The following CACNA1C variants were observed in gnomAD, a reference collection of about 807,000 sequenced individuals.
CACNA1C encodes the protein calcium voltage-gated channel subunit alpha1 C.
Under a neutral mutation model 229.0 loss-of-function variants are expected in CACNA1C, and 30 were observed. The observed-to-expected ratio is 0.13, with a 90% CI of 0.10 to 0.18. CACNA1C has a LOEUF of 0.18. Ranked by LOEUF, CACNA1C falls within the 10% of genes least tolerant of loss-of-function variation. The pLI is 1.00. For missense variants in CACNA1C, 1,658 were observed against 2,845.0 expected, an observed-to-expected ratio of 0.58 and a Z score of 9.49; for synonymous variants, 1,114 against 1,132.5, an observed-to-expected ratio of 0.98 and a Z score of 0.33.
At position 2,053,935 on chromosome 12, in the gene CACNA1C, T is replaced by A. The variant is rs1050462207; in HGVS notation, c.49+324T>A. ...GCCGCCTCGCTTTCTCGCGTCCGCC[T>A]GGAGAGCCCGGCTGCCTGGCCAGCC... On this transcript the variant is annotated intron_variant, in intron 1 of 46. Transcript: ENST00000399655. This position sits in a 1 kb window ranked among gnomAD's most constrained non-coding sequence, Gnocchi z 5.8. 1.3e-5 allele frequency among the ~76,000 whole-genome samples: 2 copies of A among 149,936 alleles called. No homozygotes were observed. Among genetic ancestry groups the A allele is most frequent in the Admixed American group, 6.6e-5 (1 of 15,104 alleles).
intron 3 of CACNA1C, among the ~76,000 whole-genome samples, chr12:2,388,548 A>G (rs2098434356): frequency 6.6e-6 from 1 of 152,252 alleles, no homozygotes; most frequent in Non-Finnish European, 1.5e-5. Context: ...TGAGAGAGGT[A>G]GGGAGAGCTG....
At chr12:2,326,626 CTG>C (rs2096307443) in intron 3 of CACNA1C, among the ~76,000 whole-genome samples, 1 of 152,234 alleles carries the variant, frequency 6.6e-6, no homozygotes, top group Non-Finnish European at 1.5e-5. Flanking sequence ...TCTCGCCATG[CTG>C]TGTCTCCTAG....
intron 38 of CACNA1C, among the ~76,000 whole-genome samples, chr12:2,670,902 T>TAA (rs552962979): frequency 2.3e-5 from 3 of 133,256 alleles, no homozygotes; most frequent in Non-Finnish European, 3.3e-5. Flanking sequence ...GCTACTAAAT[T>TAA]AAAAAAAAAA....
chr12:2,011,465 T>A (rs1031485557), intron 1 of CACNA1C: 2 of 152,256 alleles, frequency 1.3e-5, no homozygotes, highest in Non-Finnish European at 2.9e-5. Flanking sequence ...ATGACCCGAA[T>A]GATTATCTGC....
intron 5 of CACNA1C, among the ~76,000 whole-genome samples, chr12:2,481,606 G>A (rs534019212): frequency 2.6e-5 from 4 of 152,284 alleles, no homozygotes; most frequent in South Asian, 2.1e-4. Flanking sequence ...CTTTCCACCC[G>A]CCAAGAGGCA....
chr12:2,238,714 C>A (rs571871132), intron 3 of CACNA1C, among the ~76,000 whole-genome samples: 280 of 152,258 alleles, frequency 1.8e-3, no homozygotes, highest in African/African-American at 5.9e-3. Flanking sequence ...GAAAGGTGTT[C>A]CCCATCTAGG....
intron 22 of CACNA1C, among the ~76,000 whole-genome samples, chr12:2,604,014 G>C (rs1167992905): frequency 6.6e-6 from 1 of 152,180 alleles, no homozygotes; most frequent in Admixed American, 6.5e-5. Context: ...TGCTCTCTGT[G>C]AAGCTTTCCC....
chr12:2,184,489 C>T lies in CACNA1C; in HGVS notation c.477+64059C>T, dbSNP rs117120186. On this transcript the variant is annotated intron_variant, in intron 3 of 46. Coordinates refer to ENST00000399655, the MANE Select transcript of CACNA1C (RefSeq NM_000719.7). ...GAATACGTTAGGGTACATGTTTCTT[C>T]GTCGTTCCTGGCAGGGCTGATCATA... Among the ~76,000 whole-genome samples the T allele has an allele frequency of 7.2e-3, 1,098 of 152,282 alleles. 20 individuals are homozygous for T. Among genetic ancestry groups the T allele is most frequent in the South Asian group, 0.058 (277 of 4,816 alleles).
At chr12:2,652,360 G>A (rs73247415) in intron 32 of CACNA1C, among the ~76,000 whole-genome samples, 10,118 of 152,288 alleles carry the variant, frequency 0.066, 458 homozygotes, top group Middle Eastern at 0.14. Flanking sequence ...TTAAAACAGA[G>A]TGACAATCAG....
At chr12:2,035,987 C>A (rs981833801) in intron 1 of CACNA1C, among the ~76,000 whole-genome samples, 1 of 152,088 alleles carries the variant, frequency 6.6e-6, no homozygotes, top group Admixed American at 6.5e-5. Flanking sequence ...GCTAATTTTG[C>A]GGTCTTGTGA....
intron 3 of CACNA1C, among the ~76,000 whole-genome samples, chr12:2,407,759 AGT>A (rs1249332108): frequency 2.0e-5 from 3 of 151,544 alleles, no homozygotes; most frequent in Admixed American, 1.3e-4. Flanking sequence ...CGTCCTGATA[AGT>A]GTGCAGTGGT....
intron 38 of CACNA1C, 183 bp from the exon 39 acceptor site, chr12:2,674,358 G>T: frequency 1.2e-6 from 1 of 819,880 alleles, no homozygotes. Context: ...GTGGACAGAG[G>T]AAGGGGAAGA....
At chr12:2,544,021 A>C (rs932460930) in intron 9 of CACNA1C, among the ~76,000 whole-genome samples, 1 of 152,110 alleles carries the variant, frequency 6.6e-6, no homozygotes, top group Non-Finnish European at 1.5e-5. Flanking sequence ...AAGAAAGACC[A>C]TTCATTATGA....
At chr12:1,994,022 T>C (rs1265880772) in intron 1 of CACNA1C, among the ~76,000 whole-genome samples, 2 of 152,248 alleles carry the variant, frequency 1.3e-5, no homozygotes, top group Non-Finnish European at 2.9e-5. Context: ...TAAACCACTA[T>C]AAGTTTTTCT....
At chr12:2,368,644 C>G (rs1335451708) in intron 3 of CACNA1C, among the ~76,000 whole-genome samples, 1 of 152,112 alleles carries the variant, frequency 6.6e-6, no homozygotes, top group African/African-American at 2.4e-5. Context: ...GAAAGCATGT[C>G]GTATTTCTAT....
chr12:2,314,484 T>G (rs2095589875), intron 3 of CACNA1C, among the ~76,000 whole-genome samples: 1 of 152,182 alleles, frequency 6.6e-6, no homozygotes, highest in African/African-American at 2.4e-5. Context: ...TACTCACACC[T>G]CTCGTGCCCC....
In CACNA1C at chr12:2,418,540, G is replaced by C. The variant is rs370424377; in HGVS notation, c.478-30436G>C. On this transcript the variant is annotated intron_variant, in intron 3 of 46. Transcript: ENST00000399655. ...CCCTGTGGAGGAGATGAGTGTTTGA[G>C]TGAGGAGAGAGAGGAGGAGGAGGGC... Among the ~76,000 whole-genome samples, 67 of 152,282 alleles carry C rather than the reference G, an allele frequency of 4.4e-4. 1 individual carries two copies. In the South Asian group the frequency reaches 0.013, roughly 29 times the overall value.
intron 3 of CACNA1C, among the ~76,000 whole-genome samples, chr12:2,158,499 C>G (rs993775481): frequency 7.9e-5 from 12 of 151,918 alleles, no homozygotes; most frequent in South Asian, 4.2e-4. Flanking sequence ...ATTGCTTGAG[C>G]CTGGGCGATG....
intron 3 of CACNA1C, among the ~76,000 whole-genome samples, chr12:2,360,670 T>C (rs546521914): frequency 6.6e-6 from 1 of 152,320 alleles, no homozygotes; most frequent in Admixed American, 6.5e-5. Flanking sequence ...CCTCTCCCCG[T>C]TGCAGTTTCT....
Sources: allele counts gnomAD v4.1 joint callset (sites outside exome capture counted in the v4.1 genomes callset), GRCh38; gene constraint gnomAD v4.1.1; non-coding constraint Gnocchi (gnomAD v3.1); transcripts MANE v1.5; gene names NCBI Gene and HGNC (gene_info 2026-07-23, HGNC 2026-07-21).